DNAH17: variants seen among roughly 807,000 people sequenced by gnomAD.
DNAH17 encodes axonemal beta dynein heavy chain 17.
DNAH17 carries 376 observed loss-of-function variants against 485.6 expected under a neutral mutation model. That is an observed-to-expected ratio of 0.77 (90% CI 0.71 to 0.84). The LOEUF is 0.84. Among genes scored for constraint, DNAH17 ranks in the 40% least tolerant of loss-of-function variants. DNAH17 has a pLI of 0.00. For synonymous variants in DNAH17, 3,031 were observed against 2,405.9 expected, an observed-to-expected ratio of 1.26 and a Z score of -7.60; for missense variants, 6,370 against 5,839.3, an observed-to-expected ratio of 1.09 and a Z score of -2.96.
At chr17:78,494,363 G>A (rs1286273860) in intron 40 of DNAH17, among the ~76,000 whole-genome samples, 190 bp from the exon 41 acceptor site, 3 of 125,628 alleles carry the variant, frequency 2.4e-5, no homozygotes, top group African/African-American at 1.0e-4. Context: ...CTCATGCAGG[G>A]GGTCGGTTTG....
rs1287917842 is a variant in DNAH17 at position 78,475,145 on chromosome 17, C to A, written c.8511+133G>T. ...GGCCTCTGCTTTCTAAGATAAAGAC[C>A]CTTTGGATAAGGACTATTGGTGATG... On this transcript the variant is annotated intron_variant, in intron 54 of 80. Coordinates refer to ENST00000389840, the MANE Select transcript of DNAH17 (RefSeq NM_173628.4). The A allele has an allele frequency of 3.0e-5, 31 of 1,045,734 alleles. No homozygotes were observed. The East Asian group carries it at 7.2e-4, about 24-fold the overall frequency. The allele number at this position is 1,045,734 out of a possible 1,614,324, so 64.8% of individuals were successfully genotyped here.
intron 3 of DNAH17, among the ~76,000 whole-genome samples, chr17:78,572,446 G>A (rs1046160989): frequency 2.6e-5 from 4 of 152,150 alleles, no homozygotes; most frequent in Non-Finnish European, 1.5e-5. Flanking sequence ...GTGTGACCCA[G>A]CGGGGGGTGT....
At position 78,450,986 on chromosome 17, in the gene DNAH17, C is replaced by T. The variant is rs1289288508; in HGVS notation, c.10735-140G>A. 65 of 1,081,684 alleles carry T rather than the reference C, an allele frequency of 6.0e-5. 1 individual carries two copies. The South Asian group carries it at 7.5e-4, about 13-fold the overall frequency. 67.0% of individuals were successfully genotyped at this position (1,081,684 alleles called of 1,614,324 possible). On this transcript the variant is annotated intron_variant, in intron 66 of 80. Coordinates refer to ENST00000389840, the MANE Select transcript of DNAH17 (RefSeq NM_173628.4). ...CGAGCTCAGGTCCTGGAAGGGGCTG[C>T]AGAAGCAGAGCCCCTGGAACCTCAG...
At chr17:78,458,506 G>T in intron 62 of DNAH17, 59 bp downstream of exon 62, 1 of 1,455,098 alleles carries the variant, frequency 6.9e-7, no homozygotes, top group East Asian at 2.3e-5. Flanking sequence ...CAGTTGTGTG[G>T]GCTTGTCCCT....
intron 33 of DNAH17, chr17:78,502,119 G>A: frequency 1.9e-6 from 1 of 527,972 alleles, no homozygotes; most frequent in African/African-American, 1.9e-5. Flanking sequence ...GAGAGAGGGT[G>A]GATGAGAAGC....
intron 75 of DNAH17, among the ~76,000 whole-genome samples, chr17:78,433,767 G>A (rs1195510677): frequency 2.0e-5 from 3 of 152,082 alleles, no homozygotes; most frequent in East Asian, 3.9e-4. Flanking sequence ...TCCAAAAGCC[G>A]GCTCCTGCAG....
At position 78,423,987 on chromosome 17, in the gene DNAH17, A is replaced by C. The variant is rs1228050179; in HGVS notation, c.13308T>G (p.Tyr4436Ter). 4.3e-6 allele frequency: 7 copies of C among 1,614,018 alleles called. No individual in the cohort carries two copies. Among genetic ancestry groups the C allele is most frequent in the Non-Finnish European group, 5.9e-6 (7 of 1,179,882 alleles). The part of the protein sequence containing the change: ...VYKTRIRGPT[Y>*]VWTFNLKTKE... ...TGGTCTTCAAGTTAAAGGTCCAGAC[A>C]TAGGTGGGGCCGCGGATGCGTGTTT... is the stretch of plus-strand genomic sequence containing the variant. Residue 4436 changes from tyrosine to a stop codon, truncating the protein, a stop_gained, in exon 81 of 81, where the codon TAT (tyrosine) becomes TAG (stop). Coordinates refer to ENST00000389840, the MANE Select transcript of DNAH17 (RefSeq NM_173628.4). LOFTEE classifies it high-confidence loss of function.
In DNAH17 at chr17:78,569,190, G is replaced by A. The variant is rs1380946044; in HGVS notation, c.1260C>T (p.Phe420=). 6.8e-6 allele frequency: 11 copies of A among 1,607,082 alleles called. No homozygotes were observed. The Middle Eastern group carries it at 6.6e-4, about 96-fold the overall frequency. ...CCTCAATGGTCTGGATGCGCTGGAA[G>A]AAGGAATTTATCCTGGAAAAGGCAA... ...SSLAFSRINS[F]FQRIQTIEEL... is the part of the protein sequence containing the mutation. The change falls in exon 9 of 81, where the codon TTC becomes TTT. Residue 420 remains phenylalanine, a synonymous_variant. Coordinates refer to ENST00000389840, the MANE Select transcript of DNAH17 (RefSeq NM_173628.4).
Position 78,429,188 on chromosome 17 carries a change from G to C in DNAH17, c.12338C>G (p.Thr4113Arg), listed in dbSNP as rs142758365. Reference protein sequence around the residue: ...CRTYLAEYIRTEMLEGDVLLA... With the variant: ...CRTYLAEYIRREMLEGDVLLA... ...CAGGACGTCTCCCTCCAGCATCTCC[G>C]TCCGGATGTATTCAGCCAGGTAGGT... Residue 4113 changes from threonine to arginine, a missense_variant, in exon 76 of 81, where the codon ACG becomes AGG. Coordinates refer to ENST00000389840, the MANE Select transcript of DNAH17 (RefSeq NM_173628.4). The C allele has an allele frequency of 9.9e-6, 16 of 1,613,662 alleles. No individual in the cohort carries two copies. The African/African-American group carries it at 1.1e-4, about 11-fold the overall frequency.
rs1217578545 is a variant in DNAH17, at chr17:78,569,429, C to T, written c.1143G>A (p.Lys381=). Residue 381 remains lysine, a synonymous_variant, in exon 8 of 81, where the codon AAG becomes AAA. Coordinates refer to ENST00000389840, the MANE Select transcript of DNAH17 (RefSeq NM_173628.4). ...AGAAGTCGTACGTCTGGTAGAGCTC[C>T]TTCAGCACATTTACAGCCAGGGAGA... ...SGISLAVNVL[K]ELYQTYDFCC... 1 of 1,612,698 alleles carries T rather than the reference C, an allele frequency of 6.2e-7. No homozygotes were observed. The highest frequency in any genetic ancestry group is 8.5e-7 in the Non-Finnish European group (1 of 1,179,352).
At chr17:78,567,523 C>T (rs1034498710) in intron 9 of DNAH17, among the ~76,000 whole-genome samples, 8 of 152,124 alleles carry the variant, frequency 5.3e-5, no homozygotes, top group African/African-American at 1.2e-4. Context: ...CTGTGGGAAG[C>T]GGTTGGAATG....
At chr17:78,505,870 T>A (rs1243409702) in intron 30 of DNAH17, among the ~76,000 whole-genome samples, 1 of 151,966 alleles carries the variant, frequency 6.6e-6, no homozygotes, top group African/African-American at 2.4e-5. Flanking sequence ...CCCAGCTACT[T>A]GGGAGGCTGA....
rs930403513 is a variant in DNAH17 at position 78,503,105 on chromosome 17, C to T, written c.4957-94G>A. 59 of 1,363,958 alleles carry T rather than the reference C, an allele frequency of 4.3e-5. 1 individual carries two copies. Among genetic ancestry groups the T allele is most frequent in the Non-Finnish European group, 4.9e-5 (51 of 1,039,212 alleles). The allele number at this position is 1,363,958 out of a possible 1,614,324, so 84.5% of individuals were successfully genotyped here. On this transcript the variant is annotated intron_variant, in intron 31 of 80. Transcript: ENST00000389840. Reference sequence around the variant, plus strand: ...GTATTTGTTGTAAAGAAAAACATTTCTCATCATCCTCATCCCAGGGGCAGA... The same window carrying T: ...GTATTTGTTGTAAAGAAAAACATTTTTCATCATCCTCATCCCAGGGGCAGA...
intron 16 of DNAH17, among the ~76,000 whole-genome samples, chr17:78,549,938 G>T (rs1236760377): frequency 2.0e-5 from 3 of 152,206 alleles, no homozygotes; most frequent in Non-Finnish European, 2.9e-5. Context: ...GAGAGAGAGA[G>T]AACAGCCACA....
At chr17:78,432,726 C>G (rs2086719426) in intron 75 of DNAH17, among the ~76,000 whole-genome samples, 1 of 152,184 alleles carries the variant, frequency 6.6e-6, no homozygotes, top group African/African-American at 2.4e-5. Context: ...AGGTCTTGAG[C>G]TTTATTACAA....
At position 78,453,587 on chromosome 17, in the gene DNAH17, A is replaced by T; in HGVS notation, c.10407-122T>A. The T allele has an allele frequency of 2.3e-6, 3 of 1,303,892 alleles. No homozygotes were observed. The South Asian group carries it at 4.4e-5, about 19-fold the overall frequency. The allele number at this position is 1,303,892 out of a possible 1,614,324, so 80.8% of individuals were successfully genotyped here. On this transcript the variant is annotated intron_variant, in intron 64 of 80. Coordinates refer to ENST00000389840, the MANE Select transcript of DNAH17 (RefSeq NM_173628.4). ...AGCGCCAAGCGAGGGGTGACCTAGG[A>T]GCCCACAACTTGTTCCCAACAGCTC... is the stretch of plus-strand genomic sequence containing the variant.
At chr17:78,470,575 G>A (rs1043286667) in intron 54 of DNAH17, among the ~76,000 whole-genome samples, 1 of 152,160 alleles carries the variant, frequency 6.6e-6, no homozygotes, top group South Asian at 2.1e-4. Flanking sequence ...TGTAATCCCA[G>A]GTACTTGGGA....
At chr17:78,564,194 C>G (rs1256206546) in intron 11 of DNAH17, among the ~76,000 whole-genome samples, 1 of 152,146 alleles carries the variant, frequency 6.6e-6, no homozygotes, top group Non-Finnish European at 1.5e-5. Context: ...GCTCCCTCCC[C>G]ACTGCCGGAT....
At chr17:78,545,161 C>G (rs1163759932) in intron 16 of DNAH17, among the ~76,000 whole-genome samples, 1 of 152,196 alleles carries the variant, frequency 6.6e-6, no homozygotes, top group Non-Finnish European at 1.5e-5. Flanking sequence ...CCTCCCTCCT[C>G]TGGCCAGTGT....
Sources: gnomAD v4.1 joint callset for allele counts (sites outside exome capture counted in the v4.1 genomes callset) on GRCh38, gnomAD v4.1.1 for gene constraint, MANE v1.5 for transcripts, NCBI Gene and HGNC (gene_info 2026-07-23, HGNC 2026-07-21) for gene names.